Variants in SPATA22 observed in about 807,000 individuals in gnomAD.
SPATA22 encodes spermatogenesis associated 22.
Under a neutral mutation model 47.8 loss-of-function variants are expected in SPATA22, and 29 were observed. The ratio of observed to expected loss-of-function variants is 0.61; its 90% confidence interval spans 0.45 to 0.83. SPATA22 has a LOEUF of 0.83. Among genes scored for constraint, SPATA22 ranks in the 40% least tolerant of loss-of-function variants. The pLI is 0.00. For synonymous variants in SPATA22, 133 were observed against 140.9 expected (o/e 0.94, Z 0.40); for missense variants, 410 against 421.7 (o/e 0.97, Z 0.24).
rs145036452 is a variant in SPATA22 at position 3,452,784 on chromosome 17, G to T, written c.330-3635C>A. ...ATATGACAACAAATTGGATAACACA[G>T]AAGAAATGGATAAATACCTAGAAAC... On this transcript the variant is annotated intron_variant, in intron 5 of 8. Transcript: ENST00000572969. 4.3e-3 allele frequency among the ~76,000 whole-genome samples: 656 copies of T among 152,160 alleles called. 5 individuals carry two copies. The highest frequency in any genetic ancestry group is 6.6e-3 in the Non-Finnish European group (451 of 67,992).
chr17:3,471,650 C>T lies in SPATA22; in HGVS notation c.-74+32G>A, dbSNP rs2073438758. On this transcript the variant is annotated intron_variant, in intron 1 of 8. Transcript: ENST00000572969. ...TTCCAAAGGCCTCTCCTGACCCGCCCACGGAGTGGGGGCAGTTTGGTATCA... is the reference window on the plus strand; with the variant it reads ...TTCCAAAGGCCTCTCCTGACCCGCCTACGGAGTGGGGGCAGTTTGGTATCA... The T allele has an allele frequency of 7.1e-6, 7 of 984,902 alleles. No homozygotes were observed. The South Asian group carries it at 2.3e-4, about 33-fold the overall frequency. The allele number at this position is 984,902 out of a possible 1,614,324, so 61.0% of individuals were successfully genotyped here. A position where few individuals can be genotyped will look rare whatever the true frequency, so the allele number is the denominator to read the frequency against.
chr17:3,489,280 T>A (rs1214856689), intron 1 of SPATA22: 3 of 1,613,228 alleles, frequency 1.9e-6, no homozygotes, highest in Non-Finnish European at 2.5e-6. Context: ...AGAGCTGATA[T>A]CTTGGATCAA....
chr17:3,460,082 T>C (rs1437934751), intron 5 of SPATA22, among the ~76,000 whole-genome samples: 2 of 152,226 alleles, frequency 1.3e-5, no homozygotes, highest in African/African-American at 2.4e-5. Context: ...ACAAGCACGT[T>C]AGATAAATTC....
At chr17:3,506,785 C>CA (rs1352507450) in intron 1 of SPATA22, among the ~76,000 whole-genome samples, 10 of 152,000 alleles carry the variant, frequency 6.6e-5, no homozygotes, top group Non-Finnish European at 1.0e-4. Flanking sequence ...ACTAAAAATA[C>CA]AAAAAATTAC....
intron 1 of SPATA22, among the ~76,000 whole-genome samples, chr17:3,470,112 A>AAAAAAC (rs2073394522): frequency 6.6e-6 from 1 of 151,650 alleles, no homozygotes; most frequent in Non-Finnish European, 1.5e-5. Context: ...AAAAAAAAAA[A>AAAAAAC]AAAGACTAAG....
chr17:3,468,613 T>C (rs7209454), intron 2 of SPATA22, among the ~76,000 whole-genome samples: 49,962 of 152,082 alleles, frequency 0.33, 10,521 homozygotes, highest in Non-Finnish European at 0.48. Context: ...ACTGATAGCA[T>C]AATGATTAAG....
intron 5 of SPATA22, among the ~76,000 whole-genome samples, chr17:3,458,035 G>C (rs1422165799): frequency 1.3e-5 from 2 of 152,086 alleles, no homozygotes; most frequent in African/African-American, 4.8e-5. Context: ...GAGTGAAAAG[G>C]CAATCTATAG....
intron 3 of SPATA22, among the ~76,000 whole-genome samples, chr17:3,463,483 T>G (rs1300196614): frequency 6.6e-6 from 1 of 152,130 alleles, no homozygotes; most frequent in Non-Finnish European, 1.5e-5. Flanking sequence ...AGTAAAAATA[T>G]AATATAAAAG....
intron 8 of SPATA22, chr17:3,441,709 C>T (rs1279941427): frequency 6.6e-6 from 1 of 151,926 alleles, no homozygotes; most frequent in Non-Finnish European, 1.5e-5. Flanking sequence ...TAAGAATGTT[C>T]ATAGAACATT....
chr17:3,507,648 T>C (rs1412134263), intron 1 of SPATA22, among the ~76,000 whole-genome samples: 1 of 152,210 alleles, frequency 6.6e-6, no homozygotes, highest in Non-Finnish European at 1.5e-5. Context: ...GAACTTCGCA[T>C]GTCATTCCGT....
At chr17:3,465,956 T>C (rs911743615) in intron 3 of SPATA22, among the ~76,000 whole-genome samples, 4 of 152,032 alleles carry the variant, frequency 2.6e-5, no homozygotes, top group African/African-American at 9.7e-5. Context: ...TTCATGCTAC[T>C]TATAAAAATA....
At chr17:3,505,850 C>T (rs1440720875) in intron 1 of SPATA22, among the ~76,000 whole-genome samples, 1 of 151,222 alleles carries the variant, frequency 6.6e-6, no homozygotes, top group Non-Finnish European at 1.5e-5. Context: ...CTCTGCCTCC[C>T]GGGTTCCAGC....
intron 1 of SPATA22, among the ~76,000 whole-genome samples, chr17:3,508,793 T>A (rs576489154): frequency 1.4e-5 from 2 of 144,232 alleles, no homozygotes; most frequent in Non-Finnish European, 3.0e-5. Context: ...GAGAAATACC[T>A]AATGCTAAAT....
chr17:3,478,321 C>T (rs2073567522), intron 1 of SPATA22, among the ~76,000 whole-genome samples: 1 of 152,186 alleles, frequency 6.6e-6, no homozygotes, highest in East Asian at 1.9e-4. Flanking sequence ...AAAACATGGA[C>T]ACTACTCTTA....
rs774118857 is a variant in SPATA22, at chr17:3,462,738, A to G, written c.202T>C (p.Leu68=). The G allele has an allele frequency of 9.9e-6, 16 of 1,613,458 alleles. No homozygotes were observed. The highest frequency in any genetic ancestry group is 6.7e-5 in the Admixed American group (4 of 60,000). The change falls in exon 4 of 9, where the codon TTG becomes CTG. Residue 68 remains leucine, a synonymous_variant. Transcript: ENST00000572969. ...DWAWEAVNPE[L]APVMKTVDTG... is the part of the protein sequence containing the mutation. ...TCCACTGTTTTCATTACAGGAGCCA[A>G]CTCTGGATTCACAGCTTCCCAGGCC...
At chr17:3,471,845 G>T (rs139000849), upstream of SPATA22, 1 of 985,356 alleles carries the variant, frequency 1.0e-6, no homozygotes, top group Non-Finnish European at 1.2e-6. Flanking sequence ...GCCGTGGACC[G>T]CGCAGGCGCA....
At chr17:3,501,475 A>T (rs2073988553) in intron 1 of SPATA22, 1 of 152,550 alleles carries the variant, frequency 6.6e-6, no homozygotes, top group Non-Finnish European at 1.5e-5. Flanking sequence ...CTGCAATCTC[A>T]TGATCACACT....
chr17:3,509,953 G>A (rs148433282), intron 1 of SPATA22, among the ~76,000 whole-genome samples: 16 of 152,172 alleles, frequency 1.1e-4, no homozygotes, highest in African/African-American at 3.4e-4. Flanking sequence ...TGTTGGCCAC[G>A]TAAATGTCTT....
chr17:3,513,679 G>T (rs1193639732), exon 1 of SPATA22: 5 of 441,140 alleles, frequency 1.1e-5, no homozygotes, highest in Non-Finnish European at 2.0e-5. Context: ...ACTGCTGCTG[G>T]CTGTAGGTTT....
Sources: allele counts gnomAD v4.1 joint callset (sites outside exome capture counted in the v4.1 genomes callset), GRCh38; gene constraint gnomAD v4.1.1; transcripts MANE v1.5; gene names NCBI Gene and HGNC (gene_info 2026-07-23, HGNC 2026-07-21).